Variants in RASGEF1C observed in about 807,000 individuals in gnomAD.
RASGEF1C encodes ras-GEF domain-containing family member 1C.
Under a neutral mutation model 58.1 loss-of-function variants are expected in RASGEF1C, and 27 were observed. The observed-to-expected ratio is 0.46, with a 90% CI of 0.34 to 0.64. The LOEUF (loss-of-function observed/expected upper bound fraction) is 0.64. RASGEF1C is among the 30% of genes least tolerant of loss of function. The pLI, the probability that RASGEF1C is intolerant of heterozygous loss-of-function variation, is 0.01. For missense variants in RASGEF1C, 502 were observed against 605.1 expected (o/e 0.83, Z 1.79); for synonymous variants, 243 against 246.3 (o/e 0.99, Z 0.13).
chr5:180,202,902 C>T (rs557366322), intron 1 of RASGEF1C, among the ~76,000 whole-genome samples: 1 of 152,104 alleles, frequency 6.6e-6, no homozygotes, highest in African/African-American at 2.4e-5. Context: ...CGGGGTTTCA[C>T]CGTGTTAGCC....
At chr5:180,153,319 T>A (rs150352116) in intron 1 of RASGEF1C, among the ~76,000 whole-genome samples, 2 of 152,172 alleles carry the variant, frequency 1.3e-5, no homozygotes, top group African/African-American at 4.8e-5. Flanking sequence ...ACAGGCTGTG[T>A]GTAAGCTGTT....
At chr5:180,107,852 C>A (rs564973784) in intron 12 of RASGEF1C, among the ~76,000 whole-genome samples, 1 of 152,170 alleles carries the variant, frequency 6.6e-6, no homozygotes, top group African/African-American at 2.4e-5. Flanking sequence ...GAATTCCTGG[C>A]CTCAACCAAA....
intron 1 of RASGEF1C, among the ~76,000 whole-genome samples, chr5:180,175,660 C>T (rs139281408): frequency 1.3e-5 from 2 of 152,350 alleles, no homozygotes; most frequent in East Asian, 3.9e-4. Flanking sequence ...TTCTCCCCGC[C>T]AAGAATATCT....
At chr5:180,172,573 G>A (rs544131405) in intron 1 of RASGEF1C, among the ~76,000 whole-genome samples, 12 of 152,270 alleles carry the variant, frequency 7.9e-5, no homozygotes, top group Non-Finnish European at 1.5e-4. Context: ...GCCTAGCCCC[G>A]GGTGTCTGCC....
chr5:180,156,162 C>A lies in RASGEF1C; in HGVS notation c.-6-18104G>T, dbSNP rs1766844543. Among the ~76,000 whole-genome samples, 1 of 152,290 alleles carries A rather than the reference C, an allele frequency of 6.6e-6. No homozygotes were observed. The highest frequency in any genetic ancestry group is 3.4e-3 in the Middle Eastern group (1 of 294). ...TTGTGCTAATTGTTCCCTTACTTTT[C>A]TTTGTAGTTCCACCTGTGTATTTAT... On this transcript the variant is annotated intron_variant, in intron 1 of 13. Coordinates refer to ENST00000361132, the MANE Select transcript of RASGEF1C (RefSeq NM_175062.4). This position sits in a 1 kb window ranked among gnomAD's most constrained non-coding sequence, Gnocchi z 4.9.
intron 1 of RASGEF1C, among the ~76,000 whole-genome samples, chr5:180,200,310 C>CTTTT (rs762904367): frequency 0.081 from 7,302 of 90,070 alleles, 973 homozygotes; most frequent in African/African-American, 0.18. Flanking sequence ...GTACATCATT[C>CTTTT]TTTTTTTTTT....
At chr5:180,189,674 C>A (rs1581127336) in intron 1 of RASGEF1C, among the ~76,000 whole-genome samples, 2 of 152,304 alleles carry the variant, frequency 1.3e-5, no homozygotes, top group East Asian at 3.9e-4. Flanking sequence ...GTAATCCCAG[C>A]ACTTTGGGAG....
At chr5:180,113,591 G>C (rs1321782015) in intron 11 of RASGEF1C, among the ~76,000 whole-genome samples, 1 of 88,356 alleles carries the variant, frequency 1.1e-5, no homozygotes. Flanking sequence ...CGGAGGGATC[G>C]GGGATGGACG....
At chr5:180,183,805 A>C (rs1299633319) in intron 1 of RASGEF1C, among the ~76,000 whole-genome samples, 5 of 148,094 alleles carry the variant, frequency 3.4e-5, no homozygotes, top group Non-Finnish European at 7.5e-5. Flanking sequence ...CTGGGAAACA[A>C]GAGCAAAACT....
intron 1 of RASGEF1C, among the ~76,000 whole-genome samples, chr5:180,184,282 G>A (rs1316443405): frequency 1.3e-5 from 2 of 151,608 alleles, no homozygotes; most frequent in Non-Finnish European, 2.9e-5. Context: ...CAATTAAAAG[G>A]CAGAGATTTG....
intron 1 of RASGEF1C, among the ~76,000 whole-genome samples, chr5:180,206,301 C>T (rs1328920096): frequency 6.6e-6 from 1 of 152,160 alleles, no homozygotes; most frequent in African/African-American, 2.4e-5. Context: ...TATTAGAAAA[C>T]ACAGATGATT....
Position 180,156,191 on chromosome 5 carries a change from C to A in RASGEF1C, c.-6-18133G>T, listed in dbSNP as rs1211536987. ...GTAGTTCCACCTGTGTATTTATCCCCAAATACCCTGCCTAGTTTGACAGCA... is the reference window on the plus strand; with the variant it reads ...GTAGTTCCACCTGTGTATTTATCCCAAAATACCCTGCCTAGTTTGACAGCA... On this transcript the variant is annotated intron_variant, in intron 1 of 13. Transcript: ENST00000361132. The surrounding 1 kb of genome is among the most constrained non-coding windows in gnomAD (Gnocchi z 4.9). Among the ~76,000 whole-genome samples the A allele has an allele frequency of 6.6e-6, 1 of 152,138 alleles. No homozygotes were observed. Among genetic ancestry groups the A allele is most frequent in the Non-Finnish European group, 1.5e-5 (1 of 68,028 alleles).
rs184111969 is a variant in RASGEF1C, at chr5:180,128,403, G to A, written c.639+7C>T. The A allele has an allele frequency of 6.1e-4, 985 of 1,612,388 alleles. 7 individuals are homozygous for A. The African/African-American group carries it at 0.011, about 18-fold the overall frequency. ...CCGGGTGAGGAAGGTGGTTTGGGCC[G>A]GCTTACCAGTTCCACGTGGGTCAGC... On this transcript the variant is annotated splice_region_variant and intron_variant, in intron 5 of 13. Coordinates refer to ENST00000361132, the MANE Select transcript of RASGEF1C (RefSeq NM_175062.4).
chr5:180,104,254 T>G (rs1765841704), intron 12 of RASGEF1C, among the ~76,000 whole-genome samples: 1 of 152,084 alleles, frequency 6.6e-6, no homozygotes, highest in Non-Finnish European at 1.5e-5. Flanking sequence ...AACTAACAGG[T>G]GGGGTCTGGA....
chr5:180,156,472 T>C lies in RASGEF1C; in HGVS notation c.-6-18414A>G, dbSNP rs1002471404. Among the ~76,000 whole-genome samples the C allele has an allele frequency of 2.0e-5, 3 of 152,240 alleles. No individual in the cohort carries two copies. The highest frequency in any genetic ancestry group is 4.1e-4 in the South Asian group (2 of 4,822). ...GGACCTCTGTGATAAAGAACTGTTA[T>C]CGAAAATATATAAAGGGCCAGGCAT... On this transcript the variant is annotated intron_variant, in intron 1 of 13. Transcript: ENST00000361132. This position sits in a 1 kb window ranked among gnomAD's most constrained non-coding sequence, Gnocchi z 4.9.
In RASGEF1C at chr5:180,109,101, T is replaced by G. The variant is rs529287326; in HGVS notation, c.1303+2356A>C. 3.9e-5 allele frequency among the ~76,000 whole-genome samples: 6 copies of G among 152,290 alleles called. No individual in the cohort carries two copies. In the South Asian group the frequency reaches 1.0e-3, roughly 26 times the overall value. ...ATGCCTCTCCTCATGTGTCTTTAAC[T>G]CATCTTAATGCCCAAGTTCCATGAA... is the stretch of plus-strand genomic sequence containing the variant. On this transcript the variant is annotated intron_variant, in intron 12 of 13. Coordinates refer to ENST00000361132, the MANE Select transcript of RASGEF1C (RefSeq NM_175062.4).
At position 180,143,269 on chromosome 5, in the gene RASGEF1C, C is replaced by T. The variant is rs1355212695; in HGVS notation, c.-6-5211G>A. The stretch of plus-strand genomic sequence containing the variant: ...AGGCCTCACTGACAGGCTCAGGGCC[C>T]ACCCTGCTCCAGGCCGCTGGCGCTG... On this transcript the variant is annotated intron_variant, in intron 1 of 13. Coordinates refer to ENST00000361132, the MANE Select transcript of RASGEF1C (RefSeq NM_175062.4). This position sits in a 1 kb window ranked among gnomAD's most constrained non-coding sequence, Gnocchi z 4.3. Among the ~76,000 whole-genome samples, 1 of 152,220 alleles carries T rather than the reference C, an allele frequency of 6.6e-6. No homozygotes were observed. The highest frequency in any genetic ancestry group is 1.5e-5 in the Non-Finnish European group (1 of 68,036).
chr5:180,172,164 C>T (rs762638079), intron 1 of RASGEF1C, among the ~76,000 whole-genome samples: 1 of 152,220 alleles, frequency 6.6e-6, no homozygotes, highest in Non-Finnish European at 1.5e-5. Flanking sequence ...CCAGGCAGGA[C>T]GGGCAGGGCC....
chr5:180,182,396 A>G (rs532667847), intron 1 of RASGEF1C, among the ~76,000 whole-genome samples: 1 of 152,140 alleles, frequency 6.6e-6, no homozygotes, highest in South Asian at 2.1e-4. Context: ...GGACCCAAAC[A>G]GTGAGCAGCC....
Sources: allele counts gnomAD v4.1 joint callset (sites outside exome capture counted in the v4.1 genomes callset), GRCh38; gene constraint gnomAD v4.1.1; non-coding constraint Gnocchi (gnomAD v3.1); transcripts MANE v1.5; gene names NCBI Gene and HGNC (gene_info 2026-07-23, HGNC 2026-07-21).